The following CCDC141 variants were observed in gnomAD, a reference collection of about 807,000 sequenced individuals.
The protein encoded by CCDC141 is coiled-coil domain-containing protein 141.
In CCDC141, 168 loss-of-function variants were observed where a neutral mutation model predicts 181.0. The ratio of observed to expected loss-of-function variants is 0.93; its 90% CI spans 0.82 to 1.05. The LOEUF is 1.05. CCDC141 is among the 50% of genes least tolerant of loss of function. The pLI is 0.00. For synonymous variants in CCDC141, 666 were observed against 642.3 expected, an observed-to-expected ratio of 1.04 and a Z score of -0.56; for missense variants, 1,902 against 1,788.5, an observed-to-expected ratio of 1.06 and a Z score of -1.14.
chr2:178,898,481 C>T (rs1463253282), intron 8 of CCDC141, among the ~76,000 whole-genome samples: 1 of 152,142 alleles, frequency 6.6e-6, no homozygotes, highest in African/African-American at 2.4e-5. Context: ...CACTTGTAAG[C>T]ATCATAAAGA....
rs1298714348 is a variant in CCDC141, at chr2:178,984,443, A to G, written c.226-5768T>C. Among the ~76,000 whole-genome samples, 5 of 152,226 alleles carry G rather than the reference A, an allele frequency of 3.3e-5. No homozygotes were observed. The South Asian group carries it at 6.2e-4, about 19-fold the overall frequency. ...AATCACCAGCTAACATCATAATGAC[A>G]GGATCAAATTCACACATAACACTAC... On this transcript the variant is annotated intron_variant, in intron 2 of 23. Coordinates refer to ENST00000443758, the MANE Select transcript of CCDC141 (RefSeq NM_173648.4).
At chr2:178,975,842 A>T (rs1691094783) in intron 3 of CCDC141, among the ~76,000 whole-genome samples, 1 of 152,176 alleles carries the variant, frequency 6.6e-6, no homozygotes, top group Non-Finnish European at 1.5e-5. Flanking sequence ...AAATTTTAAT[A>T]TTTAAATCTA....
chr2:179,049,805 A>G (rs1281770871), intron 1 of CCDC141, 35 bp downstream of exon 1: 21 of 1,550,006 alleles, frequency 1.4e-5, no homozygotes, highest in Non-Finnish European at 1.8e-5. Flanking sequence ...CTAGAAGCCC[A>G]CAGCCGCACA....
intron 2 of CCDC141, among the ~76,000 whole-genome samples, chr2:179,030,114 TC>T (rs894726506): frequency 7.2e-5 from 11 of 151,990 alleles, no homozygotes; most frequent in Non-Finnish European, 1.6e-4. Flanking sequence ...AACATATATA[TC>T]TCCCCCTTTG....
At chr2:178,986,846 T>C (rs941540394) in intron 2 of CCDC141, among the ~76,000 whole-genome samples, 19 of 150,832 alleles carry the variant, frequency 1.3e-4, no homozygotes, top group Non-Finnish European at 1.9e-4. Flanking sequence ...GAACATTCCA[T>C]GCTCATGGGT....
rs879215257 is a variant in CCDC141 at position 178,837,484 on chromosome 2, G to A, written c.3735C>T (p.His1245=). Residue 1245 remains histidine, a synonymous_variant, in exon 23 of 24, where the codon CAC becomes CAT. Transcript: ENST00000443758. ...EEPVSSSLSL[H]ISSYGVQAGT... is the part of the protein sequence containing the mutation. ...CAGCCTGCACCCCATAGCTGCTTAT[G>A]TGAAGGCTGAGGGAGGAGCTGACAG... The A allele has an allele frequency of 1.9e-6, 3 of 1,614,092 alleles. No individual in the cohort carries two copies. Among genetic ancestry groups the A allele is most frequent in the South Asian group, 1.1e-5 (1 of 91,084 alleles).
chr2:179,003,694 A>G (rs1324369865), intron 2 of CCDC141, among the ~76,000 whole-genome samples: 2 of 151,998 alleles, frequency 1.3e-5, no homozygotes, highest in African/African-American at 4.8e-5. Context: ...AGAGGAAACA[A>G]AAACTTATTT....
intron 8 of CCDC141, among the ~76,000 whole-genome samples, chr2:178,901,337 T>C (rs1687678829): frequency 6.6e-6 from 1 of 152,064 alleles, no homozygotes; most frequent in African/African-American, 2.4e-5. Flanking sequence ...CCTTGATGAA[T>C]ATTGATGCAA....
At chr2:178,859,932 A>C (rs1487092007) in intron 17 of CCDC141, among the ~76,000 whole-genome samples, 2 of 152,198 alleles carry the variant, frequency 1.3e-5, no homozygotes, top group African/African-American at 4.8e-5. Context: ...TTGGCATAAG[A>C]ATGTATTATT....
At chr2:178,901,049 T>C (rs1019574351) in intron 8 of CCDC141, among the ~76,000 whole-genome samples, 1 of 151,998 alleles carries the variant, frequency 6.6e-6, no homozygotes, top group African/African-American at 2.4e-5. Flanking sequence ...GAACCAGGCT[T>C]TGGGTCAAGG....
chr2:178,834,155 T>C lies in CCDC141; in HGVS notation c.*18A>G, dbSNP rs779194018. The C allele has an allele frequency of 2.0e-6, 3 of 1,530,572 alleles. No homozygotes were observed. The highest frequency in any genetic ancestry group is 1.2e-5 in the South Asian group (1 of 83,920). 94.8% of individuals were successfully genotyped at this position (1,530,572 alleles called of 1,614,324 possible). ...TTTAGGCACATGAGAATGATGTCCATTGGTGCCAACACCACAGTTATTGTG... is the reference window on the plus strand; with the variant it reads ...TTTAGGCACATGAGAATGATGTCCACTGGTGCCAACACCACAGTTATTGTG... On this transcript the variant is annotated 3_prime_UTR_variant, in exon 24 of 24. Transcript: ENST00000443758.
intron 17 of CCDC141, 27 bp downstream of exon 17, chr2:178,865,740 G>T (rs1399350602): frequency 4.2e-6 from 6 of 1,445,232 alleles, no homozygotes; most frequent in Non-Finnish European, 5.5e-6. Flanking sequence ...TTGGCAATGT[G>T]CCAGTTCTCA....
At chr2:178,914,389 T>C (rs1688350392) in intron 7 of CCDC141, among the ~76,000 whole-genome samples, 1 of 152,212 alleles carries the variant, frequency 6.6e-6, no homozygotes. Flanking sequence ...CTCACTCCAC[T>C]TGAATCCAGT....
At chr2:178,916,279 G>C (rs1688443150) in intron 7 of CCDC141, among the ~76,000 whole-genome samples, 1 of 152,014 alleles carries the variant, frequency 6.6e-6, no homozygotes, top group South Asian at 2.1e-4. Context: ...TTTTATTCTA[G>C]AAAAAACATT....
At chr2:178,864,173 C>T (rs1685739513) in intron 17 of CCDC141, among the ~76,000 whole-genome samples, 1 of 150,182 alleles carries the variant, frequency 6.7e-6, no homozygotes, top group Admixed American at 6.6e-5. Context: ...AGGATTTTGG[C>T]AAGACAAAGG....
Position 178,837,380 on chromosome 2 carries a change from C to T in CCDC141, c.3839G>A (p.Arg1280Lys), listed in dbSNP as rs1336569684. The T allele has an allele frequency of 1.9e-6, 3 of 1,614,068 alleles. No individual in the cohort carries two copies. The highest frequency in any genetic ancestry group is 2.7e-5 in the African/African-American group (2 of 75,020). Residue 1280 changes from arginine to lysine, a missense_variant, in exon 23 of 24, where the codon AGA becomes AAA. Physicochemically the swap from Arg to Lys is conservative, Grantham distance 26 (BLOSUM62 2). Coordinates refer to ENST00000443758, the MANE Select transcript of CCDC141 (RefSeq NM_173648.4). ...VAFADACNDK[R>K]ETFSSHFERP... ...CTCAAAATGACTTGAAAATGTTTCT[C>T]TCTTATCATTGCATGCATCCGCAAA...
At chr2:178,977,688 G>C (rs1046000220) in intron 3 of CCDC141, among the ~76,000 whole-genome samples, 16 of 152,150 alleles carry the variant, frequency 1.1e-4, no homozygotes, top group Admixed American at 6.6e-4. Flanking sequence ...TGAATTTCTA[G>C]TTTAAAATGT....
chr2:178,951,962 T>A (rs920393011), intron 5 of CCDC141, among the ~76,000 whole-genome samples: 10 of 152,214 alleles, frequency 6.6e-5, no homozygotes, highest in Non-Finnish European at 1.3e-4. Context: ...AGCCATCAGT[T>A]CAGTTGAACA....
intron 3 of CCDC141, among the ~76,000 whole-genome samples, chr2:178,975,931 A>G (rs1309316429): frequency 6.6e-6 from 1 of 152,212 alleles, no homozygotes; most frequent in Non-Finnish European, 1.5e-5. Context: ...TAGATGGAGC[A>G]AGAATGACAA....
Sources: allele counts gnomAD v4.1 joint callset (sites outside exome capture counted in the v4.1 genomes callset), GRCh38; gene constraint gnomAD v4.1.1; transcripts MANE v1.5; gene names NCBI Gene and HGNC (gene_info 2026-07-23, HGNC 2026-07-21).